CFAP47: variants seen among roughly 807,000 people sequenced by gnomAD.
CFAP47 encodes the protein cilia and flagella associated protein 47.
A neutral mutation model predicts 148.1 loss-of-function variants in CFAP47; 29 were observed. The observed-to-expected ratio is 0.20, with a 90% CI of 0.15 to 0.27. The LOEUF (loss-of-function observed/expected upper bound fraction) is 0.27. Ranked by LOEUF, CFAP47 falls within the 10% of genes least tolerant of loss-of-function variation. CFAP47 has a pLI of 1.00. For missense variants in CFAP47, 1,872 were observed against 1,697.5 expected (o/e 1.10, Z -1.81); for synonymous variants, 664 against 577.3 (o/e 1.15, Z -2.15).
At chrX:36,166,977 G>C (rs1349645184) in intron 39 of CFAP47, among the ~76,000 whole-genome samples, 1 of 111,276 alleles carries the variant, frequency 9.0e-6, no homozygotes, top group Non-Finnish European at 1.9e-5. Flanking sequence ...CGTGGGGTGG[G>C]GGTGGATAAG....
chrX:36,237,830 G>T (rs1272911880), intron 48 of CFAP47, among the ~76,000 whole-genome samples: 1 of 110,965 alleles, frequency 9.0e-6, no homozygotes, highest in Non-Finnish European at 1.9e-5. Context: ...ACAGAAGTTT[G>T]TAAATTCTCT....
At chrX:36,170,981 T>A (rs186940783) in intron 39 of CFAP47, among the ~76,000 whole-genome samples, 77 of 110,597 alleles carry the variant, frequency 7.0e-4, no homozygotes, top group African/African-American at 2.4e-3. Context: ...TTTTTAATGA[T>A]TGCCATTCTA....
intron 35 of CFAP47, 63 bp downstream of exon 35, chrX:36,138,527 A>G (rs1354562755): frequency 1.9e-6 from 2 of 1,047,790 alleles, no homozygotes; most frequent in South Asian, 2.7e-5. Flanking sequence ...TAGCTTGCTC[A>G]TTTATAATAT....
At chrX:36,190,220 G>A (rs1939851415) in intron 42 of CFAP47, 24 bp downstream of exon 42, 1 of 296,479 alleles carries the variant, frequency 3.4e-6, no homozygotes, top group African/African-American at 2.7e-5. Context: ...TGTGATCTGT[G>A]TGTTTACACG....
Position 36,361,487 on chromosome X carries a change from A to G in CFAP47, c.9009A>G (p.Pro3003=), listed in dbSNP as rs929442227. 9.7e-7 allele frequency: 1 copy of G among 1,028,618 alleles called. No individual in the cohort carries two copies. The highest frequency in any genetic ancestry group is 1.3e-6 in the Non-Finnish European group (1 of 769,006). 84.8% of individuals were successfully genotyped at this position (1,028,618 alleles called of 1,213,427 possible). A position where few individuals can be genotyped will look rare whatever the true frequency, so the allele number is the denominator to read the frequency against. Residue 3003 remains proline, a synonymous_variant, in exon 61 of 64, where the codon CCA becomes CCG. Coordinates refer to ENST00000378653, the MANE Select transcript of CFAP47 (RefSeq NM_001304548.2). ...ITFIFNLVFT[P]KKPLRSHITL... ...TTATCTTCAATCTGGTATTCACACC[A>G]AAGAAACCATTAAGGTAAATCTACT...
intron 45 of CFAP47, among the ~76,000 whole-genome samples, chrX:36,205,904 A>G (rs1940033614): frequency 9.0e-6 from 1 of 111,728 alleles, no homozygotes; most frequent in African/African-American, 3.2e-5. Flanking sequence ...TTCATTTGTC[A>G]TTCTAGTATG....
At chrX:36,293,130 A>C (rs1556005840) in intron 51 of CFAP47, among the ~76,000 whole-genome samples, 3 of 111,304 alleles carry the variant, frequency 2.7e-5, no homozygotes, top group Non-Finnish European at 5.7e-5. Flanking sequence ...ATTTGCATGG[A>C]GCTACCATTC....
chrX:36,026,051 C>A (rs1000179824), intron 22 of CFAP47, among the ~76,000 whole-genome samples: 1 of 111,596 alleles, frequency 9.0e-6, no homozygotes. Flanking sequence ...CCAAAAAGTA[C>A]ATATGTAACG....
intron 43 of CFAP47, 113 bp from the exon 44 acceptor site, chrX:36,201,161 A>C (rs1360039171): frequency 3.1e-5 from 9 of 290,211 alleles, no homozygotes; most frequent in Non-Finnish European, 4.8e-5. Flanking sequence ...ACTCTGTTTC[A>C]TAATGACCAT....
rs782750599 is a variant in CFAP47, at chrX:36,384,853, A to T, written c.9411A>T (p.Pro3137=). Residue 3137 remains proline (P), a synonymous_variant, in exon 64 of 64, where the codon CCA becomes CCT. Transcript: ENST00000378653. ...ATGGATTAACTCCAACTACCGTGCCACCAAAAAATGCAAAAGCCAAAATTG... is the reference window on the plus strand; with the variant it reads ...ATGGATTAACTCCAACTACCGTGCCTCCAAAAAATGCAAAAGCCAAAATTG... ...EINGLTPTTV[P]PKNAKAKIDA... 2 of 1,165,359 alleles carry T rather than the reference A, an allele frequency of 1.7e-6. No individual in the cohort carries two copies. Among genetic ancestry groups the T allele is most frequent in the South Asian group, 1.9e-5 (1 of 52,573 alleles).
intron 56 of CFAP47, among the ~76,000 whole-genome samples, chrX:36,317,358 T>A (rs1342903401): frequency 9.0e-6 from 1 of 111,011 alleles, no homozygotes. Context: ...TTGAGAAATT[T>A]GAGACTTTTT....
chrX:36,354,776 C>T (rs1220963577), intron 60 of CFAP47, among the ~76,000 whole-genome samples: 1 of 110,739 alleles, frequency 9.0e-6, no homozygotes, highest in Non-Finnish European at 1.9e-5. Flanking sequence ...ACCCTCTTGC[C>T]AAAGACCCTG....
chrX:36,097,919 A>G (rs762415762), intron 30 of CFAP47, among the ~76,000 whole-genome samples: 60 of 111,096 alleles, frequency 5.4e-4, no homozygotes, highest in African/African-American at 1.8e-3. Context: ...CTCTTTCTCT[A>G]CCTCCTCTGT....
intron 8 of CFAP47, among the ~76,000 whole-genome samples, chrX:35,965,582 CT>C (rs1307605898): frequency 1.8e-5 from 2 of 111,721 alleles, no homozygotes; most frequent in African/African-American, 6.5e-5. Context: ...GAATAACCTT[CT>C]TTTAGCCTTA....
intron 1 of CFAP47, among the ~76,000 whole-genome samples, chrX:35,924,035 ATATATGTG>A (rs1451830083): frequency 2.0e-5 from 2 of 97,692 alleles, no homozygotes; most frequent in East Asian, 3.2e-4. Flanking sequence ...ATATATGCAC[ATATATGTG>A]TATATGTACA....
intron 29 of CFAP47, among the ~76,000 whole-genome samples, chrX:36,083,984 C>A (rs951465880): frequency 9.1e-6 from 1 of 110,050 alleles, no homozygotes; most frequent in Non-Finnish European, 1.9e-5. Flanking sequence ...TTTTTATTTT[C>A]TCAAATGTTG....
intron 13 of CFAP47, among the ~76,000 whole-genome samples, chrX:35,974,619 A>G (rs908729026): frequency 1.8e-5 from 2 of 112,122 alleles, no homozygotes; most frequent in Non-Finnish European, 3.8e-5. Context: ...AACACTAATG[A>G]AATTCTATAC....
At chrX:36,373,447 G>A (rs782374900) in intron 62 of CFAP47, among the ~76,000 whole-genome samples, 139 of 109,388 alleles carry the variant, frequency 1.3e-3, no homozygotes, top group Non-Finnish European at 2.2e-3. Flanking sequence ...GCATGTGTGC[G>A]TGTGTGTTTG....
At chrX:36,185,660 G>A (rs1308517669) in intron 40 of CFAP47, among the ~76,000 whole-genome samples, 3 of 111,796 alleles carry the variant, frequency 2.7e-5, no homozygotes, top group African/African-American at 6.5e-5. Context: ...TGGACTGGAT[G>A]GTTTAAATAA....
Sources: allele counts gnomAD v4.1 joint callset (sites outside exome capture counted in the v4.1 genomes callset), GRCh38; gene constraint gnomAD v4.1.1; transcripts MANE v1.5; gene names NCBI Gene and HGNC (gene_info 2026-07-23, HGNC 2026-07-21).